The following RP1 variants were observed in gnomAD, a reference collection of about 807,000 sequenced individuals.
RP1 encodes the protein RP1 axonemal microtubule associated.
RP1 carries 16 observed loss-of-function variants against 14.8 expected under a neutral mutation model. The observed-to-expected ratio is 1.08, with a 90% CI of 0.73 to 1.65. The LOEUF (loss-of-function observed/expected upper bound fraction) is 1.65. Ranked by LOEUF, RP1 falls within the 40% of genes most tolerant of loss-of-function variation. RP1 has a pLI of 0.00. For missense variants in RP1, 2,631 were observed against 2,535.0 expected, an observed-to-expected ratio of 1.04 and a Z score of -0.81; for synonymous variants, 876 against 883.6, an observed-to-expected ratio of 0.99 and a Z score of 0.15.
chr8:54,617,094 C>T (rs1400939602), intron 1 of RP1, among the ~76,000 whole-genome samples: 1 of 152,200 alleles, frequency 6.6e-6, no homozygotes, highest in Non-Finnish European at 1.5e-5. Context: ...TGGTAGCAAG[C>T]TGTCATGTCA....
chr8:54,758,902 TTC>T, intron 21 of RP1: 2 of 1,534,618 alleles, frequency 1.3e-6, no homozygotes, highest in Non-Finnish European at 1.7e-6. Context: ...GTGGGTTTTT[TTC>T]TCTGTCTCCT....
At chr8:54,825,919 T>C (rs1811377971) in intron 24 of RP1, among the ~76,000 whole-genome samples, 1 of 146,336 alleles carries the variant, frequency 6.8e-6, no homozygotes, top group Admixed American at 6.8e-5. Context: ...AAAAAAAAAA[T>C]CAGCCTGGTG....
chr8:54,654,209 G>T (rs943254793), intron 5 of RP1, among the ~76,000 whole-genome samples: 53 of 152,086 alleles, frequency 3.5e-4, no homozygotes, highest in African/African-American at 1.2e-3. Flanking sequence ...AAAATTTTCT[G>T]TTCAATTCTT....
intron 1 of RP1, among the ~76,000 whole-genome samples, chr8:54,566,160 AGCTGAG>A (rs1398975927): frequency 1.3e-5 from 2 of 152,150 alleles, no homozygotes. Flanking sequence ...CATTCTGAGG[AGCTGAG>A]GGTTGGACTT....
intron 12 of RP1, among the ~76,000 whole-genome samples, chr8:54,682,218 C>CT (rs1008736587): frequency 2.0e-5 from 3 of 151,676 alleles, no homozygotes; most frequent in Non-Finnish European, 4.4e-5. Context: ...GTTTCTTGGC[C>CT]TTTTTTCCCC....
intron 24 of RP1, among the ~76,000 whole-genome samples, chr8:54,836,382 C>T (rs536272886): frequency 3.9e-5 from 6 of 152,128 alleles, no homozygotes; most frequent in Admixed American, 6.5e-5. Flanking sequence ...TTTCGCAGAA[C>T]GTAATTAAGG....
intron 17 of RP1, among the ~76,000 whole-genome samples, chr8:54,728,898 A>T (rs1397679387): frequency 1.3e-5 from 2 of 152,180 alleles, no homozygotes; most frequent in African/African-American, 4.8e-5. Context: ...ACAATGATCA[A>T]CATAGACGTA....
intron 25 of RP1, among the ~76,000 whole-genome samples, chr8:54,847,952 A>C (rs974268543): frequency 6.6e-6 from 1 of 152,062 alleles, no homozygotes; most frequent in Admixed American, 6.5e-5. Flanking sequence ...CACTTCTATT[A>C]CTTCTGTGTC....
chr8:54,626,490 A>C lies in RP1; in HGVS notation c.2608A>C (p.Lys870Gln). 6.2e-7 allele frequency: 1 copy of C among 1,613,866 alleles called. No homozygotes were observed. The highest frequency in any genetic ancestry group is 1.7e-5 in the Admixed American group (1 of 60,014). ...TDSHITLKSQ[K>Q]KRKGDKVKAS... ...TTCACACATAACTTTAAAAAGCCAGAAAAAACGTAAAGGGGATAAAGTGAA... is the reference window on the plus strand; with the variant it reads ...TTCACACATAACTTTAAAAAGCCAGCAAAAACGTAAAGGGGATAAAGTGAA... Residue 870 changes from lysine (K) to glutamine (Q), a missense_variant, in exon 4 of 4, where the codon AAA (lysine) becomes CAA (glutamine). By Grantham distance (53) the Lys-to-Gln change is moderately conservative. Coordinates refer to ENST00000220676, the MANE Select transcript of RP1 (RefSeq NM_006269.2).
intron 1 of RP1, among the ~76,000 whole-genome samples, chr8:54,573,844 C>T (rs904330070): frequency 6.6e-6 from 1 of 152,120 alleles, no homozygotes; most frequent in Non-Finnish European, 1.5e-5. Context: ...GAAAACATAA[C>T]ATAAAGGGGT....
intron 1 of RP1, among the ~76,000 whole-genome samples, chr8:54,602,979 C>G (rs1401215105): frequency 6.6e-6 from 1 of 152,104 alleles, no homozygotes; most frequent in Non-Finnish European, 1.5e-5. Context: ...TTCTCCCATT[C>G]TGTAGGTTGC....
chr8:54,625,732 G>T lies in RP1; in HGVS notation c.1850G>T (p.Ser617Ile). Residue 617 changes from serine to isoleucine, a missense_variant, in exon 4 of 4, where the codon AGT becomes ATT. Transcript: ENST00000220676. The stretch of plus-strand genomic sequence containing the variant: ...TCAGCAGATGCAACCCATTTTTCAA[G>T]TAATAACTCTGGAACTGACAAAAAT... ...PISADATHFS[S>I]NNSGTDKNIS... 1 of 1,613,934 alleles carries T rather than the reference G, an allele frequency of 6.2e-7. No homozygotes were observed. The highest frequency in any genetic ancestry group is 8.5e-7 in the Non-Finnish European group (1 of 1,179,984).
At chr8:54,657,841 G>T (rs952537605) in intron 6 of RP1, among the ~76,000 whole-genome samples, 1 of 152,144 alleles carries the variant, frequency 6.6e-6, no homozygotes, top group Admixed American at 6.5e-5. Context: ...AAGGATAAAG[G>T]TTCCTAACAA....
intron 15 of RP1, among the ~76,000 whole-genome samples, chr8:54,716,424 A>G (rs540877670): frequency 1.3e-5 from 2 of 152,220 alleles, no homozygotes; most frequent in South Asian, 4.1e-4. Context: ...AAAAAAAATC[A>G]TGGAAAAAGG....
At chr8:54,775,226 G>A (rs1810004611) in intron 23 of RP1, among the ~76,000 whole-genome samples, 1 of 152,156 alleles carries the variant, frequency 6.6e-6, no homozygotes, top group Non-Finnish European at 1.5e-5. Context: ...GGATGTGGGA[G>A]ACTGTTTGCT....
chr8:54,685,256 G>T (rs1807536304), intron 12 of RP1, among the ~76,000 whole-genome samples: 2 of 152,066 alleles, frequency 1.3e-5, no homozygotes, highest in African/African-American at 4.8e-5. Context: ...ATGTTAGGTT[G>T]TTGATTTGAG....
intron 25 of RP1, among the ~76,000 whole-genome samples, chr8:54,842,007 A>G (rs867667973): frequency 1.3e-5 from 2 of 152,222 alleles, no homozygotes; most frequent in Admixed American, 1.3e-4. Flanking sequence ...AAATATTTGC[A>G]TTTATGAAAC....
chr8:54,716,135 C>T (rs569214295), intron 15 of RP1, among the ~76,000 whole-genome samples: 17 of 152,076 alleles, frequency 1.1e-4, no homozygotes, highest in African/African-American at 4.1e-4. Context: ...TATTGAGAAC[C>T]GGAAGTTTGG....
At chr8:54,608,841 G>T (rs1055550959) in intron 1 of RP1, among the ~76,000 whole-genome samples, 1 of 152,122 alleles carries the variant, frequency 6.6e-6, no homozygotes, top group Non-Finnish European at 1.5e-5. Context: ...GTGTATTTGG[G>T]CTGAGTTTGC....
Sources: gnomAD v4.1 joint callset for allele counts (sites outside exome capture counted in the v4.1 genomes callset) on GRCh38, gnomAD v4.1.1 for gene constraint, MANE v1.5 for transcripts, NCBI Gene and HGNC (gene_info 2026-07-23, HGNC 2026-07-21) for gene names.